MSH6: variants seen among roughly 807,000 people sequenced by gnomAD.
The protein encoded by MSH6 is DNA mismatch repair protein Msh6.
A neutral mutation model predicts 119.1 loss-of-function variants in MSH6; 85 were observed. The ratio of observed to expected loss-of-function variants is 0.71; its 90% CI spans 0.60 to 0.85. The LOEUF is 0.85. MSH6 is among the 40% of genes least tolerant of loss of function. MSH6 has a pLI of 0.00. For synonymous variants in MSH6, 830 were observed against 586.9 expected (o/e 1.41, Z -5.99); for missense variants, 2,163 against 1,655.3 (o/e 1.31, Z -5.32).
At chr2:47,807,667 T>TA (rs11314400), downstream of MSH6, 488 of 207,634 alleles carry the variant, frequency 2.4e-3, 1 homozygote, top group African/African-American at 4.1e-3. Context: ...GAATACATGT[T>TA]AAAAAAAAAA....
chr2:47,786,825 G>C (rs1449660086), intron 1 of MSH6, among the ~76,000 whole-genome samples: 1 of 151,798 alleles, frequency 6.6e-6, no homozygotes, highest in African/African-American at 2.4e-5. Flanking sequence ...TTGAATAATA[G>C]AGGTCTCACT....
At chr2:47,796,156 ATG>A (rs763198349) in intron 3 of MSH6, 93 bp downstream of exon 3, 4 of 1,241,806 alleles carry the variant, frequency 3.2e-6, no homozygotes, top group Admixed American at 1.8e-5. Flanking sequence ...TGTTTTATAT[ATG>A]TGTGTGTATA....
intron 1 of MSH6, chr2:47,783,997 C>T (rs1668187845): frequency 6.8e-6 from 7 of 1,029,104 alleles, no homozygotes; most frequent in South Asian, 4.6e-5. Flanking sequence ...CCTCGGCCGG[C>T]GCGGAGATAG....
Position 47,801,057 on chromosome 2 carries a change from G to A in MSH6, c.3074G>A (p.Arg1025Lys), listed in dbSNP as rs2104438922. The A allele has an allele frequency of 6.2e-7, 1 of 1,604,790 alleles. No individual in the cohort carries two copies. The highest frequency in any genetic ancestry group is 8.5e-7 in the Non-Finnish European group (1 of 1,175,434). The change falls in exon 4 of 10, where the codon AGG (arginine) becomes AAG (lysine). Residue 1025 changes from arginine to lysine, a missense_variant. By Grantham distance (26) the Arg-to-Lys change is conservative. Transcript: ENST00000234420. ...AATCTCATAAATGCTGAAGAACGGA[G>A]GGATGTATCATTGAAGGACTGCATG... ...LANLINAEER[R>K]DVSLKDCMRR...
At position 47,783,306 on chromosome 2, in the gene MSH6, G is replaced by T. The variant is rs267608026; in HGVS notation, c.73G>T (p.Ala25Ser). 280 of 1,611,842 alleles carry T rather than the reference G, an allele frequency of 1.7e-4. No individual in the cohort carries two copies. Among genetic ancestry groups the T allele is most frequent in the Non-Finnish European group, 2.2e-4 (261 of 1,179,480 alleles). ...PALSDANKAS[A>S]RASREGGRAA... is the part of the protein sequence containing the mutation. ...GCTGAGTGATGCCAACAAGGCCTCGGCCAGGGCCTCACGCGAAGGCGGCCG... is the reference window on the plus strand; with the variant it reads ...GCTGAGTGATGCCAACAAGGCCTCGTCCAGGGCCTCACGCGAAGGCGGCCG... Residue 25 changes from alanine to serine, a missense_variant, in exon 1 of 10, where the codon GCC becomes TCC. By Grantham distance (99) the Ala-to-Ser change is moderately conservative. Transcript: ENST00000234420.
chr2:47,792,485 G>A (rs1011408804), intron 2 of MSH6, among the ~76,000 whole-genome samples: 9 of 152,146 alleles, frequency 5.9e-5, no homozygotes, highest in African/African-American at 2.2e-4. Context: ...ACATAATCTT[G>A]GCCAAGCAAA....
chr2:47,809,784 T>C (rs1670482851), downstream of MSH6: 19 of 893,762 alleles, frequency 2.1e-5, no homozygotes, highest in East Asian at 5.0e-5. Flanking sequence ...CAAGCAAATG[T>C]AAACTGCTTC....
intron 1 of MSH6, among the ~76,000 whole-genome samples, chr2:47,787,324 A>T (rs1434123584): frequency 6.6e-6 from 1 of 152,210 alleles, no homozygotes; most frequent in Admixed American, 6.5e-5. Flanking sequence ...GAAAATGTTG[A>T]TTATATATTT....
intron 3 of MSH6, among the ~76,000 whole-genome samples, chr2:47,796,943 A>T (rs1669133291): frequency 1.3e-5 from 2 of 152,202 alleles, no homozygotes; most frequent in South Asian, 4.1e-4. Context: ...GCACCACTGC[A>T]TTCCAGCCAG....
At chr2:47,785,320 C>G (rs945132754) in intron 1 of MSH6, among the ~76,000 whole-genome samples, 2 of 152,090 alleles carry the variant, frequency 1.3e-5, no homozygotes, top group African/African-American at 2.4e-5. Flanking sequence ...CTCTGCCCGC[C>G]GGGTTCAAGT....
intron 2 of MSH6, among the ~76,000 whole-genome samples, chr2:47,793,639 A>T (rs1273547311): frequency 6.6e-6 from 1 of 151,366 alleles, no homozygotes; most frequent in Non-Finnish European, 1.5e-5. Context: ...AAATAAAATA[A>T]AATAATAAAT....
Position 47,806,347 on chromosome 2 carries a change from C to G in MSH6, c.3790C>G (p.Leu1264Val), listed in dbSNP as rs786202696. Residue 1264 changes from leucine (L) to valine (V), a missense_variant, in exon 8 of 10, where the codon CTA becomes GTA. Transcript: ENST00000234420. ...EDYSQNVAVR[L>V]GHMACMVENE... is the part of the protein sequence containing the mutation. ...TTATTCTCAAAATGTTGCTGTGCGC[C>G]TAGGACATATGGTATGTGCAAATTG... 1.9e-6 allele frequency: 3 copies of G among 1,614,092 alleles called. No homozygotes were observed. In the Admixed American group the frequency reaches 5.0e-5, roughly 27 times the overall value.
At chr2:47,786,334 C>T (rs1668344158) in intron 1 of MSH6, among the ~76,000 whole-genome samples, 1 of 151,372 alleles carries the variant, frequency 6.6e-6, no homozygotes, top group East Asian at 1.9e-4. Flanking sequence ...ACATGTTGAG[C>T]GTATTTTTTT....
intron 1 of MSH6, among the ~76,000 whole-genome samples, chr2:47,788,920 T>TG (rs1668540168): frequency 1.8e-5 from 1 of 55,026 alleles, no homozygotes; most frequent in East Asian, 6.1e-4. Context: ...TTTTTTTTTT[T>TG]TGTTTTTTTT....
At position 47,805,720 on chromosome 2, in the gene MSH6, ACTT is replaced by A. The variant is rs1553332784; in HGVS notation, c.3646+16_3646+18del. ...GTGGATGAATTAGGTAAGACATTAA[ACTT>A]CTCATTTGAAGACTATCTATCTTAA... On this transcript the variant is annotated intron_variant, in intron 7 of 9. Coordinates refer to ENST00000234420, the MANE Select transcript of MSH6 (RefSeq NM_000179.3). The A allele has an allele frequency of 6.5e-7, 1 of 1,537,550 alleles. No homozygotes were observed. The highest frequency in any genetic ancestry group is 1.7e-4 in the Middle Eastern group (1 of 5,904).
chr2:47,788,927 T>G (rs1558650250), intron 1 of MSH6, among the ~76,000 whole-genome samples: 1 of 82,102 alleles, frequency 1.2e-5, no homozygotes, highest in African/African-American at 6.1e-5. Context: ...TTTTTGTTTT[T>G]TTTTTTTTTT....
rs770929545 is a variant in MSH6 at position 47,806,461 on chromosome 2, G to A, written c.3811G>A (p.Val1271Ile). ...ATTTTTCTTTCTTAAGGCATGCATG[G>A]TAGAAAATGAATGTGAAGACCCCAG... is the stretch of plus-strand genomic sequence containing the variant. The part of the protein sequence containing the change: ...AVRLGHMACM[V>I]ENECEDPSQE... Residue 1271 changes from valine to isoleucine, a missense_variant, in exon 9 of 10, where the codon GTA becomes ATA. Transcript: ENST00000234420. 6.2e-7 allele frequency: 1 copy of A among 1,613,992 alleles called. No homozygotes were observed. Among genetic ancestry groups the A allele is most frequent in the Non-Finnish European group, 8.5e-7 (1 of 1,179,960 alleles).
rs1558650240 is a variant in MSH6 at position 47,788,922 on chromosome 2, G to GTTTTTT, written c.261-1985_261-1980dup. Among the ~76,000 whole-genome samples, 128 of 40,936 alleles carry GTTTTTT rather than the reference G, an allele frequency of 3.1e-3. 8 individuals carry two copies. The highest frequency in any genetic ancestry group is 4.8e-3 in the African/African-American group (48 of 9,996). 26.9% of individuals were successfully genotyped at this position (40,936 alleles called of 152,430 possible). On this transcript the variant is annotated intron_variant, in intron 1 of 9. Coordinates refer to ENST00000234420, the MANE Select transcript of MSH6 (RefSeq NM_000179.3). ...TTTCTTCTTCCTTTTTTTTTTTTTTGTTTTTTTTTTTTTTTTTTTTTTTTT... is the reference window on the plus strand; with the variant it reads ...TTTCTTCTTCCTTTTTTTTTTTTTTGTTTTTTTTTTTTTTTTTTTTTTTTTTTTTTT...
At chr2:47,795,815 G>A (rs2104223989) in intron 2 of MSH6, 79 bp from the exon 3 acceptor site, 1 of 1,246,680 alleles carries the variant, frequency 8.0e-7, no homozygotes, top group Non-Finnish European at 1.2e-6. Flanking sequence ...TGTTGCCCAG[G>A]CTGGTCTTGA....
Sources: allele counts gnomAD v4.1 joint callset (sites outside exome capture counted in the v4.1 genomes callset), GRCh38; gene constraint gnomAD v4.1.1; transcripts MANE v1.5; gene names NCBI Gene and HGNC (gene_info 2026-07-23, HGNC 2026-07-21).